Variants in C12orf42 observed in about 807,000 individuals in gnomAD.
C12orf42 encodes uncharacterized protein C12orf42.
A neutral mutation model predicts 21.6 loss-of-function variants in C12orf42; 25 were observed. The ratio of observed to expected loss-of-function variants is 1.16; its 90% CI spans 0.84 to 1.62. C12orf42 has a LOEUF of 1.62. Ranked by LOEUF, C12orf42 falls within the 40% of genes most tolerant of loss-of-function variation. C12orf42 has a pLI of 0.00. For missense variants in C12orf42, 483 were observed against 459.3 expected (o/e 1.05, Z -0.47); for synonymous variants, 174 against 175.0 (o/e 0.99, Z 0.05).
chr12:103,482,067 CCCA>C (rs1269348942), intron 1 of C12orf42, among the ~76,000 whole-genome samples: 1 of 152,010 alleles, frequency 6.6e-6, no homozygotes, highest in African/African-American at 2.4e-5. Flanking sequence ...GTTCTTTTCC[CCCA>C]CAAGTTAGAC....
At chr12:103,231,389 A>G in the C12orf42 span, among the ~76,000 whole-genome samples, 2 of 152,326 alleles carry the variant, frequency 1.3e-5, no homozygotes, top group Non-Finnish European at 2.9e-5. Flanking sequence ...GTTTATGATG[A>G]CATATATCCA....
intron 4 of C12orf42, among the ~76,000 whole-genome samples, chr12:103,279,248 C>T (rs2035957648): frequency 6.6e-6 from 1 of 152,118 alleles, no homozygotes; most frequent in South Asian, 2.1e-4. Context: ...CCACCACACA[C>T]CAAATGGGCA....
At chr12:103,325,941 G>A (rs978897680) in intron 4 of C12orf42, among the ~76,000 whole-genome samples, 1 of 152,052 alleles carries the variant, frequency 6.6e-6, no homozygotes, top group East Asian at 1.9e-4. Flanking sequence ...CTGATGAATT[G>A]GAGAAAAATG....
chr12:103,418,940 T>C (rs2049614450), intron 2 of C12orf42, among the ~76,000 whole-genome samples: 1 of 151,704 alleles, frequency 6.6e-6, no homozygotes, highest in Non-Finnish European at 1.5e-5. Flanking sequence ...TCTCAGCCCA[T>C]CAGGGAAAAA....
chr12:103,063,630 G>A, the C12orf42 span, among the ~76,000 whole-genome samples: 1 of 152,272 alleles, frequency 6.6e-6, no homozygotes, highest in Admixed American at 6.5e-5. Flanking sequence ...CCTTCCCTGA[G>A]GCAGTTGCCA....
At chr12:103,360,556 T>C (rs2044004561) in intron 4 of C12orf42, among the ~76,000 whole-genome samples, 1 of 152,096 alleles carries the variant, frequency 6.6e-6, no homozygotes, top group African/African-American at 2.4e-5. Flanking sequence ...ATACCCATAA[T>C]CTCAACTCTC....
At chr12:103,253,747 CTCAG>C (rs1011632573) in intron 10 of C12orf42, among the ~76,000 whole-genome samples, 7 of 152,062 alleles carry the variant, frequency 4.6e-5, no homozygotes, top group African/African-American at 1.7e-4. Flanking sequence ...CCTTATGCCC[CTCAG>C]TCAAATTCTT....
At chr12:103,389,793 A>G (rs933453351) in intron 3 of C12orf42, among the ~76,000 whole-genome samples, 3 of 152,200 alleles carry the variant, frequency 2.0e-5, no homozygotes, top group African/African-American at 7.2e-5. Flanking sequence ...CACGAGGCTC[A>G]GTCTGATGCA....
At chr12:103,430,835 C>G (rs753628251) in intron 2 of C12orf42, among the ~76,000 whole-genome samples, 3 of 152,120 alleles carry the variant, frequency 2.0e-5, no homozygotes, top group Admixed American at 6.6e-5. Context: ...AAGCTGGAAA[C>G]CATTATTCTC....
the C12orf42 span, among the ~76,000 whole-genome samples, chr12:103,197,985 G>A: frequency 6.6e-6 from 1 of 152,158 alleles, no homozygotes; most frequent in South Asian, 2.1e-4. Context: ...TCCAATGGGG[G>A]AGGGGGTCCC....
At chr12:103,312,578 T>C in intron 4 of C12orf42, among the ~76,000 whole-genome samples, 1 of 152,254 alleles carries the variant, frequency 6.6e-6, no homozygotes, top group East Asian at 1.9e-4. Flanking sequence ...AACCGTGTCC[T>C]CCAGCTTCCT....
intron 2 of C12orf42, among the ~76,000 whole-genome samples, chr12:103,413,516 G>A (rs1224748188): frequency 2.6e-5 from 4 of 151,860 alleles, no homozygotes; most frequent in Non-Finnish European, 2.9e-5. Flanking sequence ...TGGGGGAACA[G>A]GTGGTGTTTG....
rs1334958392 is a variant in C12orf42 at position 103,331,476 on chromosome 12, T to A, written c.260-25131A>T. Reference sequence around the variant, plus strand: ...ATCAAATGTTTGAGTAACTGTTTTGTGGCAGAGACTGTGCAAGGTTCTGCT... The same window carrying A: ...ATCAAATGTTTGAGTAACTGTTTTGAGGCAGAGACTGTGCAAGGTTCTGCT... On this transcript the variant is annotated intron_variant, in intron 4 of 5. Transcript: ENST00000548883. Among the ~76,000 whole-genome samples, 7 of 152,358 alleles carry A rather than the reference T, an allele frequency of 4.6e-5. No individual in the cohort carries two copies. The East Asian group carries it at 9.6e-4, about 21-fold the overall frequency.
At chr12:103,119,532 G>T in the C12orf42 span, among the ~76,000 whole-genome samples, 1 of 152,254 alleles carries the variant, frequency 6.6e-6, no homozygotes, top group East Asian at 1.9e-4. Flanking sequence ...TGGCTTGTAA[G>T]CGATAAGGGC....
At position 103,347,619 on chromosome 12, in the gene C12orf42, TC is replaced by T. The variant is rs377491213; in HGVS notation, c.259+21267del. On this transcript the variant is annotated intron_variant, in intron 4 of 5. Coordinates refer to ENST00000548883, the MANE Select transcript of C12orf42 (RefSeq NM_198521.5). Reference sequence around the variant, plus strand: ...AACAGTGCCATCTACCAGCCATCATTCCCAGGTACAGCCTCTTCCCACTTCC... The same window carrying T: ...AACAGTGCCATCTACCAGCCATCATTCCAGGTACAGCCTCTTCCCACTTCC... 8.3e-4 allele frequency among the ~76,000 whole-genome samples: 126 copies of T among 152,282 alleles called. 2 individuals are homozygous for T. The East Asian group carries it at 0.017, about 21-fold the overall frequency.
chr12:103,348,763 C>T (rs2042850269), intron 4 of C12orf42, among the ~76,000 whole-genome samples: 2 of 152,076 alleles, frequency 1.3e-5, no homozygotes, highest in South Asian at 4.1e-4. Flanking sequence ...AATATAAGAG[C>T]TTTTGATGAT....
the C12orf42 span, among the ~76,000 whole-genome samples, chr12:103,094,437 T>C: frequency 6.6e-6 from 1 of 152,182 alleles, no homozygotes; most frequent in Admixed American, 6.5e-5. Flanking sequence ...TCTTCCCTAT[T>C]ATCTCAACAG....
chr12:103,396,965 T>G lies in C12orf42; in HGVS notation c.147+4642A>C, dbSNP rs972405704. On this transcript the variant is annotated intron_variant, in intron 3 of 5. Coordinates refer to ENST00000548883, the MANE Select transcript of C12orf42 (RefSeq NM_198521.5). ...TATTTTTGGAAACATTACTAAGCTCTTCAATCCAGCTTTGACCTGGAATAT... is the reference window on the plus strand; with the variant it reads ...TATTTTTGGAAACATTACTAAGCTCGTCAATCCAGCTTTGACCTGGAATAT... Among the ~76,000 whole-genome samples, 7 of 152,330 alleles carry G rather than the reference T, an allele frequency of 4.6e-5. 1 individual carries two copies. The highest frequency in any genetic ancestry group is 2.6e-4 in the Admixed American group (4 of 15,300).
chr12:103,141,820 G>T, the C12orf42 span, among the ~76,000 whole-genome samples: 1 of 152,000 alleles, frequency 6.6e-6, no homozygotes, highest in African/African-American at 2.4e-5. Flanking sequence ...ATGAGCCACC[G>T]CACCCAGCCA....
Sources: gnomAD v4.1 joint callset for allele counts (sites outside exome capture counted in the v4.1 genomes callset) on GRCh38, gnomAD v4.1.1 for gene constraint, MANE v1.5 for transcripts, NCBI Gene and HGNC (gene_info 2026-07-23, HGNC 2026-07-21) for gene names.